STK3: variants seen among roughly 807,000 people sequenced by gnomAD.
The protein encoded by STK3 is serine/threonine-protein kinase 3.
A neutral mutation model predicts 58.0 loss-of-function variants in STK3; 41 were observed. That is an observed-to-expected ratio of 0.71 (90% CI 0.55 to 0.92). The LOEUF (loss-of-function observed/expected upper bound fraction) is 0.92. STK3 is among the 40% of genes least tolerant of loss of function. STK3 has a pLI of 0.00. For synonymous variants in STK3, 170 were observed against 191.0 expected (o/e 0.89, Z 0.91); for missense variants, 479 against 602.7 (o/e 0.79, Z 2.15).
chr8:98,486,754 A>G (rs1032515619), intron 10 of STK3, among the ~76,000 whole-genome samples: 1 of 152,198 alleles, frequency 6.6e-6, no homozygotes, highest in Non-Finnish European at 1.5e-5. Context: ...TAATACTTAG[A>G]TTCTCAGTGT....
chr8:98,885,772 C>A (rs960510606), intron 1 of STK3, among the ~76,000 whole-genome samples: 2 of 152,112 alleles, frequency 1.3e-5, no homozygotes, highest in African/African-American at 4.8e-5. Flanking sequence ...AAAAGCATTG[C>A]ATTTATTTGT....
rs150992351 is a variant in STK3 at position 98,768,540 on chromosome 8, G to C, written c.108-1169C>G. On this transcript the variant is annotated intron_variant, in intron 2 of 10. Transcript: ENST00000419617. ...TTGGTACCCAAAGTCACATTGGGCT[G>C]GGTGTGGGGGAATGTATGTGTGTGT... Among the ~76,000 whole-genome samples, 34 of 152,288 alleles carry C rather than the reference G, an allele frequency of 2.2e-4. No homozygotes were observed. In the East Asian group the frequency reaches 6.6e-3, roughly 29 times the overall value.
At chr8:98,598,528 A>G in intron 6 of STK3, 3 of 985,418 alleles carry the variant, frequency 3.0e-6, no homozygotes, top group South Asian at 9.4e-5. Context: ...GATTTTCTTG[A>G]CAGCCTTACT....
chr8:98,447,534 G>C lies in STK3; in HGVS notation n.186-10326C>G, dbSNP rs147084611. 8.9e-5 allele frequency among the ~76,000 whole-genome samples: 13 copies of C among 146,708 alleles called. No individual in the cohort carries two copies. In the East Asian group the frequency reaches 2.4e-3, roughly 27 times the overall value. ...AATATTGCATGTATTTGTATATATCGTATTGCATATATACTATATATATAT... is the reference window on the plus strand; with the variant it reads ...AATATTGCATGTATTTGTATATATCCTATTGCATATATACTATATATATAT... On this transcript the variant is annotated intron_variant and non_coding_transcript_variant, in intron 1 of 3. Transcript: ENST00000517832.
intron 1 of STK3, among the ~76,000 whole-genome samples, chr8:98,815,429 C>T (rs1834483774): frequency 6.6e-6 from 1 of 152,184 alleles, no homozygotes. Context: ...TCATTTCTTA[C>T]TAAGAGAAAC....
chr8:98,873,276 G>T (rs1251529667), intron 3 of STK3, among the ~76,000 whole-genome samples: 1 of 152,184 alleles, frequency 6.6e-6, no homozygotes, highest in East Asian at 1.9e-4. Context: ...GTCAATTTTG[G>T]AATAAGTATG....
At chr8:98,742,830 C>T (rs1229434849) in intron 4 of STK3, among the ~76,000 whole-genome samples, 1 of 151,816 alleles carries the variant, frequency 6.6e-6, no homozygotes, top group Admixed American at 6.6e-5. Flanking sequence ...TCTAGAAAAC[C>T]CCATTGTCTT....
At chr8:98,740,355 T>C (rs1389985730) in intron 4 of STK3, among the ~76,000 whole-genome samples, 3 of 152,152 alleles carry the variant, frequency 2.0e-5, no homozygotes, top group African/African-American at 7.2e-5. Context: ...AAAGGTCGGG[T>C]TACCCACAAA....
chr8:98,579,698 T>A lies in STK3; in HGVS notation c.914A>T (p.Gln305Leu). 6.2e-7 allele frequency: 1 copy of A among 1,610,618 alleles called. No homozygotes were observed. Among genetic ancestry groups the A allele is most frequent in the Non-Finnish European group, 8.5e-7 (1 of 1,179,014 alleles). ...TTCTTCCTCTTCCAATTCTCGTTGCTGTTCCTCATGTCTTTTAGCTTTGAT... is the reference window on the plus strand; with the variant it reads ...TTCTTCCTCTTCCAATTCTCGTTGCAGTTCCTCATGTCTTTTAGCTTTGAT... Reference protein sequence around the residue: ...MEIKAKRHEEQQRELEEEEEN... With the variant: ...MEIKAKRHEELQRELEEEEEN... The change falls in exon 8 of 11, where the codon CAG becomes CTG. Residue 305 changes from glutamine (Q) to leucine (L), a missense_variant. By Grantham distance (113) the Gln-to-Leu change is moderately radical. This residue lies in a region of STK3 where 309 missense variants were observed against 355.7 expected (regional missense o/e 0.87). Coordinates refer to ENST00000419617, the MANE Select transcript of STK3 (RefSeq NM_006281.4).
chr8:98,772,444 A>G (rs576192289), intron 2 of STK3, among the ~76,000 whole-genome samples: 10 of 152,212 alleles, frequency 6.6e-5, no homozygotes, highest in African/African-American at 1.9e-4. Flanking sequence ...CGTGCCTGTC[A>G]TCCCAACACT....
At chr8:98,763,340 C>T (rs954298961) in intron 3 of STK3, among the ~76,000 whole-genome samples, 10 of 152,148 alleles carry the variant, frequency 6.6e-5, no homozygotes, top group African/African-American at 2.4e-4. Context: ...TTTATGCTAA[C>T]ATGTAGTATT....
intron 7 of STK3, among the ~76,000 whole-genome samples, chr8:98,582,462 C>T (rs184715180): frequency 2.6e-5 from 4 of 151,704 alleles, no homozygotes; most frequent in African/African-American, 9.7e-5. Context: ...CTATATTAAC[C>T]CCTAGTTCTT....
intron 1 of STK3, chr8:98,904,617 C>T: frequency 1.7e-6 from 1 of 598,466 alleles, no homozygotes; most frequent in Non-Finnish European, 3.3e-6. Context: ...GAGTACCAGG[C>T]TCGGTCCATA....
At chr8:98,384,900 T>G (rs552250258) in intron 1 of STK3, among the ~76,000 whole-genome samples, 40 of 152,292 alleles carry the variant, frequency 2.6e-4, no homozygotes, top group Non-Finnish European at 4.9e-4. Context: ...ACCTGGGCCA[T>G]TGCTATATGC....
intron 3 of STK3, among the ~76,000 whole-genome samples, chr8:98,831,766 G>C (rs1835540800): frequency 6.6e-6 from 1 of 152,074 alleles, no homozygotes; most frequent in Admixed American, 6.6e-5. Flanking sequence ...TTCTAACTTA[G>C]TTTTATAGTT....
At chr8:98,727,109 G>C (rs991240389) in intron 4 of STK3, among the ~76,000 whole-genome samples, 1 of 152,008 alleles carries the variant, frequency 6.6e-6, no homozygotes, top group African/African-American at 2.4e-5. Context: ...ATGTATTTCT[G>C]GTAGTCAAGT....
At chr8:98,449,115 CAGA>C (rs894708761) in intron 1 of STK3, among the ~76,000 whole-genome samples, 3 of 152,014 alleles carry the variant, frequency 2.0e-5, no homozygotes, top group East Asian at 1.9e-4. Context: ...TGGCTCCTTC[CAGA>C]AGAAGAAGAA....
intron 1 of STK3, among the ~76,000 whole-genome samples, chr8:98,820,991 AAAT>A (rs940291090): frequency 6.6e-6 from 1 of 152,104 alleles, no homozygotes; most frequent in Non-Finnish European, 1.5e-5. Context: ...AAAAATAATA[AAAT>A]AATAAAATAA....
chr8:98,702,986 T>C (rs1038152523), intron 6 of STK3, among the ~76,000 whole-genome samples: 2 of 152,214 alleles, frequency 1.3e-5, no homozygotes, highest in African/African-American at 4.8e-5. Flanking sequence ...ATCACATCTT[T>C]GTCTCATTGT....
Sources: gnomAD v4.1 joint callset for allele counts (sites outside exome capture counted in the v4.1 genomes callset) on GRCh38, gnomAD v4.1.1 for gene constraint, gnomAD v4.1.1 regional missense constraint, MANE v1.5 for transcripts, NCBI Gene and HGNC (gene_info 2026-07-23, HGNC 2026-07-21) for gene names.